Variants in PARP12 observed in about 807,000 individuals in gnomAD.
PARP12 encodes the protein poly(ADP-ribose) polymerase family member 12.
A neutral mutation model predicts 72.4 loss-of-function variants in PARP12; 59 were observed. That is an observed-to-expected ratio of 0.81 (90% CI 0.66 to 1.01). PARP12 has a LOEUF of 1.01. Ranked by LOEUF, PARP12 falls within the 50% of genes least tolerant of loss-of-function variation. The pLI is 0.00. For synonymous variants in PARP12, 403 were observed against 371.4 expected, an observed-to-expected ratio of 1.09 and a Z score of -0.98; for missense variants, 851 against 914.0, an observed-to-expected ratio of 0.93 and a Z score of 0.89.
chr7:140,033,550 G>A (rs961834885), intron 8 of PARP12: 11 of 985,296 alleles, frequency 1.1e-5, no homozygotes, highest in Admixed American at 6.2e-5. Flanking sequence ...TGGCTGTGTG[G>A]TTTGGAGAAC....
chr7:140,054,894 G>C, intron 3 of PARP12, 131 bp from the exon 4 acceptor site: 1 of 720,760 alleles, frequency 1.4e-6, no homozygotes, highest in South Asian at 1.7e-5. Flanking sequence ...TGTTTGGGGT[G>C]AAAGTGCTCC....
At chr7:140,026,469 A>G in intron 10 of PARP12, 121 bp from the exon 11 acceptor site, 1 of 1,349,434 alleles carries the variant, frequency 7.4e-7, no homozygotes. Context: ...CAAGAGACGC[A>G]GGTCACAGGC....
intron 4 of PARP12, 59 bp from the exon 5 acceptor site, chr7:140,047,066 T>C (rs747548982): frequency 2.6e-6 from 4 of 1,537,606 alleles, no homozygotes; most frequent in Non-Finnish European, 3.5e-6. Flanking sequence ...GCCCTAGCCT[T>C]GTGGTTGTCA....
At chr7:140,025,344 G>A (rs1815692924) in intron 11 of PARP12, 1 of 290,838 alleles carries the variant, frequency 3.4e-6, no homozygotes, top group East Asian at 8.4e-5. Flanking sequence ...GGAAATCTGA[G>A]TTAGAAGCTG....
chr7:140,052,569 C>T (rs988990598), intron 4 of PARP12, among the ~76,000 whole-genome samples: 1 of 152,088 alleles, frequency 6.6e-6, no homozygotes, highest in Non-Finnish European at 1.5e-5. Flanking sequence ...TTGATAGGGG[C>T]TCTTTCCAAA....
In PARP12 at chr7:140,059,401, G is replaced by GCT. The variant is rs200907762; in HGVS notation, c.327-1369_327-1368dup. On this transcript the variant is annotated intron_variant, in intron 1 of 11. Coordinates refer to ENST00000263549, the MANE Select transcript of PARP12 (RefSeq NM_022750.4). ...ACACACACACAGAGCCCTGAACCTAGCTTTTTTTTTTTTGCTCTCTTCCTC... is the reference window on the plus strand; with the variant it reads ...ACACACACACAGAGCCCTGAACCTAGCTCTTTTTTTTTTTTGCTCTCTTCCTC... 1.1e-3 allele frequency among the ~76,000 whole-genome samples: 102 copies of GCT among 88,728 alleles called. 1 individual carries two copies. The highest frequency in any genetic ancestry group is 5.3e-3 in the Middle Eastern group (1 of 190). The allele number at this position is 88,728 out of a possible 152,430, so 58.2% of individuals were successfully genotyped here.
chr7:140,062,763 GGCGCC>G lies in PARP12; in HGVS notation c.80_84del (p.Arg27ProfsTer85). 1 of 1,389,454 alleles carries G rather than the reference GGCGCC, an allele frequency of 7.2e-7. No individual in the cohort carries two copies. Among genetic ancestry groups the G allele is most frequent in the Non-Finnish European group, 9.4e-7 (1 of 1,066,726 alleles). The allele number at this position is 1,389,454 out of a possible 1,614,324, so 86.1% of individuals were successfully genotyped here. A position where few individuals can be genotyped will look rare whatever the true frequency, so the allele number is the denominator to read the frequency against. ...TCGGCGCTCAAGCCCATCCGCAAGCGGCGCCGCAGCTCGGGCAACTCCAGGGCGCC... is the reference window on the plus strand; with the variant it reads ...TCGGCGCTCAAGCCCATCCGCAAGCGGCAGCTCGGGCAACTCCAGGGCGCC... On this transcript the variant is annotated frameshift_variant, in exon 1 of 12. Transcript: ENST00000263549. LOFTEE classifies it high-confidence loss of function.
chr7:140,024,686 G>T lies in PARP12; in HGVS notation c.1980C>A (p.Ile660=). ...CCTGGTGTTTCTCAAAGATCACAAA[G>T]ATGGAGGGGTCGGACACACTGTTCA... ...SCVNSVSDPS[I]FVIFEKHQVY... is the part of the protein sequence containing the mutation. Residue 660 remains isoleucine (I), a synonymous_variant, in exon 12 of 12, where the codon ATC becomes ATA. Coordinates refer to ENST00000263549, the MANE Select transcript of PARP12 (RefSeq NM_022750.4). The T allele has an allele frequency of 6.2e-7, 1 of 1,614,202 alleles. No individual in the cohort carries two copies. Among genetic ancestry groups the T allele is most frequent in the Non-Finnish European group, 8.5e-7 (1 of 1,180,046 alleles).
intron 9 of PARP12, chr7:140,027,639 T>C (rs1313615619): frequency 2.7e-6 from 1 of 374,752 alleles, no homozygotes; most frequent in South Asian, 3.2e-5. Flanking sequence ...CTCTTGTTTA[T>C]GTCAGTTAGC....
At chr7:140,029,583 G>A (rs757634695) in intron 8 of PARP12, among the ~76,000 whole-genome samples, 10 of 151,736 alleles carry the variant, frequency 6.6e-5, no homozygotes, top group Non-Finnish European at 1.5e-5. Context: ...GACCCACAAA[G>A]ACTTAAGATG....
chr7:140,032,522 C>T (rs959916255), intron 8 of PARP12, among the ~76,000 whole-genome samples: 5 of 151,922 alleles, frequency 3.3e-5, no homozygotes, highest in African/African-American at 9.7e-5. Flanking sequence ...TGGTTCATCA[C>T]GACATTATAC....
At chr7:140,037,932 A>C in intron 6 of PARP12, 76 bp from the exon 7 acceptor site, 3 of 1,552,238 alleles carry the variant, frequency 1.9e-6, no homozygotes, top group Admixed American at 1.8e-5. Flanking sequence ...CACCCACGCC[A>C]CATTTCAGAG....
rs763281305 is a variant in PARP12, at chr7:140,057,145, T to C, written c.471A>G (p.Gln157=). 6.2e-7 allele frequency: 1 copy of C among 1,611,400 alleles called. No individual in the cohort carries two copies. Among genetic ancestry groups the C allele is most frequent in the Non-Finnish European group, 8.5e-7 (1 of 1,178,836 alleles). The change falls in exon 3 of 12, where the codon CAA becomes CAG. Residue 157 remains glutamine, a synonymous_variant. Coordinates refer to ENST00000263549, the MANE Select transcript of PARP12 (RefSeq NM_022750.4). ...NDPWLLPEIC[Q]HYNKGDGPHG... is the part of the protein sequence containing the mutation. Reference sequence around the variant, plus strand: ...GGGGTCCATCTCCTTTGTTGTAATGTTGGCAAATCTGTTGACAGAGAGGGA... The same window carrying C: ...GGGGTCCATCTCCTTTGTTGTAATGCTGGCAAATCTGTTGACAGAGAGGGA...
At chr7:140,030,290 G>C (rs1371495736) in intron 8 of PARP12, among the ~76,000 whole-genome samples, 1 of 152,166 alleles carries the variant, frequency 6.6e-6, no homozygotes, top group Non-Finnish European at 1.5e-5. Flanking sequence ...TTTCCTTCAA[G>C]ATTGATGGCA....
At chr7:140,052,885 TG>T (rs1360836196) in intron 4 of PARP12, among the ~76,000 whole-genome samples, 4 of 152,114 alleles carry the variant, frequency 2.6e-5, no homozygotes, top group African/African-American at 9.6e-5. Context: ...ATCAGGGAAA[TG>T]CAAATTAAAA....
chr7:140,036,116 C>T (rs555367898), intron 7 of PARP12, among the ~76,000 whole-genome samples: 12 of 152,114 alleles, frequency 7.9e-5, no homozygotes, highest in Middle Eastern at 3.4e-3. Flanking sequence ...AAATGGGCTT[C>T]GGTCAGTCTG....
intron 7 of PARP12, 72 bp downstream of exon 7, chr7:140,037,643 C>T: frequency 6.3e-7 from 1 of 1,582,110 alleles, no homozygotes; most frequent in Non-Finnish European, 8.6e-7. Flanking sequence ...CACACGGCTC[C>T]TCCAGGGTTA....
intron 11 of PARP12, chr7:140,025,122 T>C: frequency 1.9e-6 from 1 of 537,276 alleles, no homozygotes; most frequent in Non-Finnish European, 3.4e-6. Context: ...AGATAGCAAA[T>C]TCCTTTCAAG....
Position 140,062,907 on chromosome 7 carries a change from TG to T in PARP12, c.-61del, listed in dbSNP as rs1005264254. 3.9e-4 allele frequency: 469 copies of T among 1,195,184 alleles called. 2 individuals are homozygous for T. The highest frequency in any genetic ancestry group is 3.9e-3 in the African/African-American group (240 of 62,086). 74.0% of individuals were successfully genotyped at this position (1,195,184 alleles called of 1,614,324 possible). ...GCGCGACGCGGACGGCGGCGGACGC[TG>T]GCTGGCGGGCGGCTCTCGCAGGGTG... is the stretch of plus-strand genomic sequence containing the variant. On this transcript the variant is annotated 5_prime_UTR_variant, in exon 1 of 12. Transcript: ENST00000263549.
Sources: allele counts gnomAD v4.1 joint callset (sites outside exome capture counted in the v4.1 genomes callset), GRCh38; gene constraint gnomAD v4.1.1; transcripts MANE v1.5; gene names NCBI Gene and HGNC (gene_info 2026-07-23, HGNC 2026-07-21).